The following MARCHF1 variants were observed in gnomAD, a reference collection of about 807,000 sequenced individuals.
MARCHF1 encodes E3 ubiquitin-protein ligase MARCHF1.
In MARCHF1, 40 loss-of-function variants were observed where a neutral mutation model predicts 54.2. That is an observed-to-expected ratio of 0.74 (90% confidence interval 0.57 to 0.96). The LOEUF is 0.96. Ranked by LOEUF, MARCHF1 falls within the 40% of genes least tolerant of loss-of-function variation. MARCHF1 has a pLI of 0.00. For synonymous variants in MARCHF1, 236 were observed against 236.3 expected, an observed-to-expected ratio of 1.00 and a Z score of 0.01; for missense variants, 586 against 656.5, an observed-to-expected ratio of 0.89 and a Z score of 1.17.
intron 1 of MARCHF1, among the ~76,000 whole-genome samples, chr4:164,132,712 T>C (rs1295856843): frequency 1.3e-5 from 2 of 152,270 alleles, no homozygotes; most frequent in African/African-American, 4.8e-5. Flanking sequence ...TAATTATAAA[T>C]GTTAAATCTC....
At position 163,637,092 on chromosome 4, in the gene MARCHF1, A is replaced by G. The variant is rs983165969; in HGVS notation, c.163-23699T>C. Among the ~76,000 whole-genome samples, 107 of 151,312 alleles carry G rather than the reference A, an allele frequency of 7.1e-4. 1 individual carries two copies. The highest frequency in any genetic ancestry group is 2.2e-3 in the African/African-American group (93 of 41,338). Reference sequence around the variant, plus strand: ...CTTCCTTACACCTTATACAAAAATCAATTCAAGATGGATTAAAGACTTAAG... The same window carrying G: ...CTTCCTTACACCTTATACAAAAATCGATTCAAGATGGATTAAAGACTTAAG... On this transcript the variant is annotated intron_variant, in intron 5 of 9. Coordinates refer to ENST00000514618, the MANE Select transcript of MARCHF1 (RefSeq NM_001394959.1).
chr4:164,308,689 G>C (rs927447202), intron 1 of MARCHF1, among the ~76,000 whole-genome samples: 1 of 151,952 alleles, frequency 6.6e-6, no homozygotes, highest in African/African-American at 2.4e-5. Flanking sequence ...CACAGGATAA[G>C]AAACAATGTT....
chr4:163,941,760 C>T (rs1400314440), intron 3 of MARCHF1, among the ~76,000 whole-genome samples: 1 of 152,088 alleles, frequency 6.6e-6, no homozygotes, highest in Non-Finnish European at 1.5e-5. Flanking sequence ...GTTTATATCA[C>T]AGAGTTGTTG....
intron 2 of MARCHF1, among the ~76,000 whole-genome samples, chr4:164,011,296 C>T (rs994966026): frequency 6.6e-6 from 1 of 152,104 alleles, no homozygotes; most frequent in African/African-American, 2.4e-5. Context: ...AAAGCTTCTG[C>T]ACAGCAAAGG....
At chr4:164,247,426 G>C (rs975282857) in intron 1 of MARCHF1, among the ~76,000 whole-genome samples, 26 of 151,478 alleles carry the variant, frequency 1.7e-4, no homozygotes, top group Non-Finnish European at 2.9e-4. Context: ...ATGGACACAG[G>C]AAGGGGAATA....
rs575337163 is a variant in MARCHF1, at chr4:164,029,328, G to A, written c.-247-40619C>T. ...CTTCATATGGCCAGAGCAGGAGGGA[G>A]AGAGAGAGCAGGAAGGTGCCACACA... is the stretch of plus-strand genomic sequence containing the variant. On this transcript the variant is annotated intron_variant, in intron 2 of 9. Coordinates refer to ENST00000514618, the MANE Select transcript of MARCHF1 (RefSeq NM_001394959.1). Among the ~76,000 whole-genome samples, 3 of 152,096 alleles carry A rather than the reference G, an allele frequency of 2.0e-5. No individual in the cohort carries two copies. The South Asian group carries it at 6.2e-4, about 32-fold the overall frequency.
rs1752861022 is a variant in MARCHF1 at position 163,986,246 on chromosome 4, C to CTTTTTTTTTTTTTT, written c.-39+2254_-39+2255insAAAAAAAAAAAAAA. Among the ~76,000 whole-genome samples the CTTTTTTTTTTTTTT allele has an allele frequency of 4.9e-4, 36 of 73,768 alleles. 5 individuals carry two copies. The highest frequency in any genetic ancestry group is 4.7e-4 in the Non-Finnish European group (17 of 36,396). The allele number at this position is 73,768 out of a possible 152,430, so 48.4% of individuals were successfully genotyped here. ...CCTTTCCTTTTCTCCTAATTAACCT[C>CTTTTTTTTTTTTTT]TTCTTTTTTTTTTTTTTTTTTTTTT... On this transcript the variant is annotated intron_variant, in intron 3 of 9. Transcript: ENST00000514618.
intron 2 of MARCHF1, among the ~76,000 whole-genome samples, chr4:164,049,138 G>T (rs1235887385): frequency 2.0e-5 from 3 of 152,204 alleles, no homozygotes; most frequent in Non-Finnish European, 4.4e-5. Context: ...GTTCTGCGTG[G>T]CTGAGAAGAC....
Position 164,004,459 on chromosome 4 carries a change from T to C in MARCHF1, c.-247-15750A>G, listed in dbSNP as rs145078360. Among the ~76,000 whole-genome samples, 1,112 of 152,186 alleles carry C rather than the reference T, an allele frequency of 7.3e-3. 10 individuals carry two copies. Among genetic ancestry groups the C allele is most frequent in the East Asian group, 0.016 (83 of 5,186 alleles). On this transcript the variant is annotated intron_variant, in intron 2 of 9. Transcript: ENST00000514618. Reference sequence around the variant, plus strand: ...AGTTTACAATTTCAAAACAACTTTCTGGAATAGATGGAGAAAGCAAACATA... The same window carrying C: ...AGTTTACAATTTCAAAACAACTTTCCGGAATAGATGGAGAAAGCAAACATA...
intron 3 of MARCHF1, among the ~76,000 whole-genome samples, chr4:163,892,004 A>AT (rs954667636): frequency 2.9e-4 from 44 of 151,838 alleles, no homozygotes; most frequent in South Asian, 2.5e-3. Flanking sequence ...GATTCAACAG[A>AT]TTTTTTTTTA....
chr4:164,351,946 G>A (rs1160527210), intron 1 of MARCHF1, among the ~76,000 whole-genome samples: 6 of 144,672 alleles, frequency 4.1e-5, no homozygotes, highest in South Asian at 2.3e-4. Context: ...ACCAAGGCTC[G>A]AGAACTACGT....
intron 2 of MARCHF1, among the ~76,000 whole-genome samples, chr4:163,992,627 A>T (rs1376041243): frequency 1.3e-5 from 2 of 151,728 alleles, no homozygotes; most frequent in African/African-American, 4.8e-5. Context: ...AAGATTATTA[A>T]TTGGTTTAGG....
In MARCHF1 at chr4:163,770,946, A is replaced by G. The variant is rs1475770425; in HGVS notation, c.112-70083T>C. ...AAAATTAAAACTTAATTCAGCAGTG[A>G]TTGAAAAAAGTTTCACTTAAATAAG... On this transcript the variant is annotated intron_variant, in intron 4 of 9. Coordinates refer to ENST00000514618, the MANE Select transcript of MARCHF1 (RefSeq NM_001394959.1). 3.3e-5 allele frequency among the ~76,000 whole-genome samples: 5 copies of G among 152,246 alleles called. No homozygotes were observed. In the East Asian group the frequency reaches 9.6e-4, roughly 29 times the overall value.
chr4:163,639,376 C>A (rs1742474165), intron 5 of MARCHF1, among the ~76,000 whole-genome samples: 1 of 152,030 alleles, frequency 6.6e-6, no homozygotes, highest in Non-Finnish European at 1.5e-5. Context: ...GGTACTGAGA[C>A]CAGAGAGAAG....
chr4:164,090,068 TAGGC>T (rs2111130474), intron 2 of MARCHF1, among the ~76,000 whole-genome samples: 1 of 152,038 alleles, frequency 6.6e-6, no homozygotes, highest in East Asian at 1.9e-4. Flanking sequence ...AACAGATAAA[TAGGC>T]AAAGCATGTA....
intron 2 of MARCHF1, among the ~76,000 whole-genome samples, chr4:164,045,789 G>T (rs1333894591): frequency 6.6e-6 from 1 of 150,852 alleles, no homozygotes; most frequent in Non-Finnish European, 1.5e-5. Context: ...TCAAACAAAA[G>T]CATCTCAAGA....
chr4:164,022,968 G>A (rs1358122882), intron 2 of MARCHF1, among the ~76,000 whole-genome samples: 1 of 152,210 alleles, frequency 6.6e-6, no homozygotes, highest in African/African-American at 2.4e-5. Flanking sequence ...GGCAGCTAGA[G>A]CATCATTCAC....
Position 164,096,710 on chromosome 4 carries a change from C to G in MARCHF1, c.-248+14878G>C, listed in dbSNP as rs536823023. On this transcript the variant is annotated intron_variant, in intron 2 of 9. Coordinates refer to ENST00000514618, the MANE Select transcript of MARCHF1 (RefSeq NM_001394959.1). ...CAGAATGTAATAGAAATTTGTTATT[C>G]TATACTAACATTATACAAGATTAAT... Among the ~76,000 whole-genome samples the G allele has an allele frequency of 2.0e-5, 3 of 152,130 alleles. No individual in the cohort carries two copies. In the South Asian group the frequency reaches 6.2e-4, roughly 32 times the overall value.
At chr4:163,691,307 C>T (rs189444894) in intron 5 of MARCHF1, among the ~76,000 whole-genome samples, 14 of 152,298 alleles carry the variant, frequency 9.2e-5, no homozygotes, top group African/African-American at 3.1e-4. Flanking sequence ...AGGCAGAATC[C>T]TGCCCCATGT....
Sources: gnomAD v4.1 joint callset for allele counts (sites outside exome capture counted in the v4.1 genomes callset) on GRCh38, gnomAD v4.1.1 for gene constraint, MANE v1.5 for transcripts, NCBI Gene and HGNC (gene_info 2026-07-23, HGNC 2026-07-21) for gene names.